ZMAT4: variants seen among roughly 807,000 people sequenced by gnomAD.
ZMAT4 encodes zinc finger matrin-type 4.
Under a neutral mutation model 28.7 loss-of-function variants are expected in ZMAT4, and 17 were observed. The observed-to-expected ratio is 0.59, with a 90% CI of 0.41 to 0.89. The LOEUF is 0.89. Ranked by LOEUF, ZMAT4 falls within the 40% of genes least tolerant of loss-of-function variation. The probability of loss-of-function intolerance (pLI) is 0.00; values close to 1 mark genes in which losing one functional copy is unlikely to be tolerated. For missense variants in ZMAT4, 240 were observed against 283.8 expected, an observed-to-expected ratio of 0.85 and a Z score of 1.11; for synonymous variants, 117 against 109.2, an observed-to-expected ratio of 1.07 and a Z score of -0.44.
intron 6 of ZMAT4, among the ~76,000 whole-genome samples, chr8:40,579,778 A>G (rs1049294972): frequency 1.3e-5 from 2 of 152,154 alleles, no homozygotes; most frequent in South Asian, 2.1e-4. Flanking sequence ...ACCCAATAAC[A>G]TATCTGATGC....
At chr8:40,545,561 G>C (rs1404864879) in intron 6 of ZMAT4, among the ~76,000 whole-genome samples, 1 of 152,060 alleles carries the variant, frequency 6.6e-6, no homozygotes, top group Admixed American at 6.6e-5. Flanking sequence ...AATATGACTG[G>C]TGTCCTTATG....
intron 6 of ZMAT4, among the ~76,000 whole-genome samples, chr8:40,578,707 G>A (rs987529991): frequency 2.0e-5 from 3 of 152,164 alleles, no homozygotes; most frequent in African/African-American, 7.2e-5. Flanking sequence ...ACAGGACAGT[G>A]TAATTATTTT....
intron 3 of ZMAT4, among the ~76,000 whole-genome samples, chr8:40,725,426 TC>T (rs1811278192): frequency 6.6e-6 from 1 of 152,160 alleles, no homozygotes; most frequent in African/African-American, 2.4e-5. Flanking sequence ...TTAATCAGAG[TC>T]CACTAAAGTC....
intron 3 of ZMAT4, among the ~76,000 whole-genome samples, chr8:40,700,653 G>A (rs1014803259): frequency 6.6e-5 from 10 of 151,850 alleles, no homozygotes; most frequent in African/African-American, 2.4e-4. Flanking sequence ...CGAACTCCTA[G>A]GCTCAAGCAA....
intron 5 of ZMAT4, among the ~76,000 whole-genome samples, chr8:40,667,695 T>C (rs1182326204): frequency 6.6e-6 from 1 of 152,072 alleles, no homozygotes; most frequent in African/African-American, 2.4e-5. Flanking sequence ...CTCGTGATGC[T>C]GGAAGTGCTC....
At chr8:40,590,540 C>A (rs1804857110) in intron 5 of ZMAT4, among the ~76,000 whole-genome samples, 1 of 152,084 alleles carries the variant, frequency 6.6e-6, no homozygotes, top group African/African-American at 2.4e-5. Context: ...TCCTGCATCA[C>A]CTCCAGGCCA....
intron 6 of ZMAT4, among the ~76,000 whole-genome samples, chr8:40,558,117 G>A (rs1187982762): frequency 1.3e-5 from 2 of 152,092 alleles, no homozygotes; most frequent in Admixed American, 6.6e-5. Flanking sequence ...TCAGAAAGAA[G>A]GCCGGCCAGG....
intron 3 of ZMAT4, among the ~76,000 whole-genome samples, chr8:40,732,265 G>T (rs900872020): frequency 7.0e-6 from 1 of 142,076 alleles, no homozygotes; most frequent in Non-Finnish European, 1.6e-5. Context: ...GGGAAAAAAA[G>T]AAAAAAAGAC....
At chr8:40,884,835 A>T (rs1336510946) in intron 1 of ZMAT4, 1 of 152,222 alleles carries the variant, frequency 6.6e-6, no homozygotes, top group East Asian at 1.9e-4. Flanking sequence ...ATTGGAATAC[A>T]GCCATGCTCC....
intron 1 of ZMAT4, among the ~76,000 whole-genome samples, chr8:40,885,786 A>G (rs1316662628): frequency 6.6e-6 from 1 of 152,138 alleles, no homozygotes; most frequent in African/African-American, 2.4e-5. Context: ...TCGTCCCCCA[A>G]ATACCCACGG....
At chr8:40,814,092 G>T (rs906701404) in intron 2 of ZMAT4, among the ~76,000 whole-genome samples, 1 of 151,636 alleles carries the variant, frequency 6.6e-6, no homozygotes, top group Non-Finnish European at 1.5e-5. Flanking sequence ...TTACGCATTC[G>T]TAGGATCCTC....
chr8:40,798,094 G>A (rs1339622335), intron 2 of ZMAT4, among the ~76,000 whole-genome samples: 2 of 152,170 alleles, frequency 1.3e-5, no homozygotes, highest in African/African-American at 4.8e-5. Context: ...CCAAAGAACT[G>A]GGTGCAGGGG....
At chr8:40,822,615 A>G (rs751655371) in intron 2 of ZMAT4, among the ~76,000 whole-genome samples, 3 of 152,196 alleles carry the variant, frequency 2.0e-5, no homozygotes, top group African/African-American at 2.4e-5. Context: ...AGAAAAAGAA[A>G]GTGCTGGAGA....
intron 5 of ZMAT4, among the ~76,000 whole-genome samples, chr8:40,597,886 T>C (rs1390622490): frequency 1.3e-5 from 2 of 152,230 alleles, no homozygotes; most frequent in Non-Finnish European, 2.9e-5. Context: ...GAAAAATTTA[T>C]CAAGCTATTA....
chr8:40,597,492 G>C (rs1424785404), intron 5 of ZMAT4, among the ~76,000 whole-genome samples: 1 of 152,186 alleles, frequency 6.6e-6, no homozygotes, highest in Non-Finnish European at 1.5e-5. Flanking sequence ...GGGATTCCTT[G>C]AATGTCACCT....
In ZMAT4 at chr8:40,535,647, G is replaced by A. The variant is rs190704340; in HGVS notation, c.675-3409C>T. ...TTTTGCCACTGCACTCCAGCCTGGC[G>A]ACTGAGCAAGACTCTGTCTCAAAAA... On this transcript the variant is annotated intron_variant, in intron 6 of 6. Coordinates refer to ENST00000297737, the MANE Select transcript of ZMAT4 (RefSeq NM_024645.3). 4.4e-3 allele frequency among the ~76,000 whole-genome samples: 596 copies of A among 136,898 alleles called. 4 individuals are homozygous for A. The highest frequency in any genetic ancestry group is 0.016 in the African/African-American group (558 of 35,948). The allele number at this position is 136,898 out of a possible 152,430, so 89.8% of individuals were successfully genotyped here. A position where few individuals can be genotyped will look rare whatever the true frequency, so the allele number is the denominator to read the frequency against.
In ZMAT4 at chr8:40,828,958, G is replaced by GAA. The variant is rs113908008; in HGVS notation, c.-4-3280_-4-3279dup. ...CACCAAGACAGCTGGTAAGAAAAAGGAAAAAAAAAAAAAATTTCCAGTTTT... is the reference window on the plus strand; with the variant it reads ...CACCAAGACAGCTGGTAAGAAAAAGGAAAAAAAAAAAAAAAATTTCCAGTTTT... On this transcript the variant is annotated intron_variant, in intron 1 of 6. Transcript: ENST00000297737. Among the ~76,000 whole-genome samples, 149 of 143,286 alleles carry GAA rather than the reference G, an allele frequency of 1.0e-3. 1 individual carries two copies. Among genetic ancestry groups the GAA allele is most frequent in the African/African-American group, 3.7e-3 (142 of 38,796 alleles). 94.0% of individuals were successfully genotyped at this position (143,286 alleles called of 152,430 possible).
At chr8:40,756,349 A>C (rs1437450497) in intron 3 of ZMAT4, among the ~76,000 whole-genome samples, 1 of 149,918 alleles carries the variant, frequency 6.7e-6, no homozygotes, top group South Asian at 2.1e-4. Context: ...TTCCATGGAG[A>C]AACACAGCAA....
chr8:40,578,873 C>G (rs1055752564), intron 6 of ZMAT4, among the ~76,000 whole-genome samples: 3 of 152,164 alleles, frequency 2.0e-5, no homozygotes, highest in African/African-American at 7.2e-5. Flanking sequence ...AATGCACATA[C>G]TACTCTCTAT....
Sources: allele counts gnomAD v4.1 joint callset (sites outside exome capture counted in the v4.1 genomes callset), GRCh38; gene constraint gnomAD v4.1.1; transcripts MANE v1.5; gene names NCBI Gene and HGNC (gene_info 2026-07-23, HGNC 2026-07-21).